Variants in HERC2 observed in about 807,000 individuals in gnomAD.
HERC2 encodes the protein HECT and RLD domain containing E3 ubiquitin protein ligase 2, also known as E3 ubiquitin-protein ligase HERC2.
A neutral mutation model predicts 537.7 loss-of-function variants in HERC2; 102 were observed. That is an observed-to-expected ratio of 0.19 (90% CI 0.16 to 0.22). HERC2 has a LOEUF of 0.22. HERC2 is among the 10% of genes least tolerant of loss of function. HERC2 has a pLI of 1.00. For missense variants in HERC2, 4,236 were observed against 6,198.2 expected, an observed-to-expected ratio of 0.68 and a Z score of 10.63; for synonymous variants, 2,224 against 2,466.2, an observed-to-expected ratio of 0.90 and a Z score of 2.91.
intron 4 of HERC2, among the ~76,000 whole-genome samples, chr15:28,290,634 A>C (rs1430024423): frequency 6.6e-6 from 1 of 152,238 alleles, no homozygotes; most frequent in East Asian, 1.9e-4. Flanking sequence ...TCTGACTACA[A>C]CTAATTTAGA....
In HERC2 at chr15:28,205,156, A is replaced by G. The variant is rs111425631; in HGVS notation, c.7212+1084T>C. 3.6e-4 allele frequency among the ~76,000 whole-genome samples: 55 copies of G among 152,140 alleles called. 1 individual carries two copies. Among genetic ancestry groups the G allele is most frequent in the African/African-American group, 1.2e-3 (50 of 41,392 alleles). On this transcript the variant is annotated intron_variant, in intron 45 of 92. Coordinates refer to ENST00000261609, the MANE Select transcript of HERC2 (RefSeq NM_004667.6). Reference sequence around the variant, plus strand: ...ATTTCATGAAAAAGAAGAGAACAACAACTCTCCATCAGAATCCATGGAGAC... The same window carrying G: ...ATTTCATGAAAAAGAAGAGAACAACGACTCTCCATCAGAATCCATGGAGAC...
rs138538227 is a variant in HERC2, at chr15:28,268,395, G to A, written c.1598+70C>T. On this transcript the variant is annotated intron_variant, in intron 12 of 92. Transcript: ENST00000261609. This position sits in a 1 kb window ranked among gnomAD's most constrained non-coding sequence, Gnocchi z 4.7. ...GGAAAACACCTGGACACACTTCTGC[G>A]CTCCATCCTGTTTAGGATATGGCAA... 1,467 of 1,448,088 alleles carry A rather than the reference G, an allele frequency of 1.0e-3. 20 individuals are homozygous for A. In the East Asian group the frequency reaches 0.024, roughly 23 times the overall value. The allele number at this position is 1,448,088 out of a possible 1,614,324, so 89.7% of individuals were successfully genotyped here. A position where few individuals can be genotyped will look rare whatever the true frequency, so the allele number is the denominator to read the frequency against.
intron 78 of HERC2, among the ~76,000 whole-genome samples, chr15:28,138,295 C>T (rs536133209): frequency 1.7e-4 from 26 of 152,298 alleles, no homozygotes; most frequent in South Asian, 8.3e-4. Context: ...GATGGAACAA[C>T]CGTCTATTGG....
intron 69 of HERC2, among the ~76,000 whole-genome samples, chr15:28,162,611 C>T (rs1046777387): frequency 6.6e-5 from 10 of 151,988 alleles, no homozygotes; most frequent in African/African-American, 2.4e-5. Flanking sequence ...GGTAAAGGGG[C>T]CAGGTTTGGT....
Position 28,261,147 on chromosome 15 carries a change from T to C in HERC2, c.2123-177A>G, listed in dbSNP as rs573587298. On this transcript the variant is annotated intron_variant, in intron 15 of 92. Transcript: ENST00000261609. The stretch of plus-strand genomic sequence containing the variant: ...TTTGGGTGTGTTATTAAAACTGCTG[T>C]ATTTTGTCAGCTACAATTCGTTAGG... Among the ~76,000 whole-genome samples the C allele has an allele frequency of 5.3e-5, 8 of 152,366 alleles. No homozygotes were observed. The South Asian group carries it at 1.4e-3, about 28-fold the overall frequency.
intron 83 of HERC2, among the ~76,000 whole-genome samples, chr15:28,126,925 A>G (rs1192232371): frequency 1.3e-5 from 2 of 152,272 alleles, no homozygotes; most frequent in African/African-American, 4.8e-5. Context: ...TATCCTAAAC[A>G]TAAGATTCAC....
rs563266790 is a variant in HERC2 at position 28,126,266 on chromosome 15, C to G, written c.12803-1073G>C. ...GCGATAAAAACTAACAACAAGCTATCTGTGAAAACGCGTTGTGATGGAAAG... is the reference window on the plus strand; with the variant it reads ...GCGATAAAAACTAACAACAAGCTATGTGTGAAAACGCGTTGTGATGGAAAG... On this transcript the variant is annotated intron_variant, in intron 83 of 92. Coordinates refer to ENST00000261609, the MANE Select transcript of HERC2 (RefSeq NM_004667.6). Among the ~76,000 whole-genome samples the G allele has an allele frequency of 1.6e-3, 247 of 152,310 alleles. 2 individuals are homozygous for G. Among genetic ancestry groups the G allele is most frequent in the Admixed American group, 5.4e-3 (82 of 15,300 alleles).
intron 26 of HERC2, among the ~76,000 whole-genome samples, chr15:28,236,119 C>G (rs1345011444): frequency 6.6e-6 from 1 of 151,950 alleles, no homozygotes; most frequent in East Asian, 1.9e-4. Context: ...CAGGCAGAGG[C>G]TGCAATACGT....
intron 9 of HERC2, among the ~76,000 whole-genome samples, chr15:28,271,465 G>A (rs890835095): frequency 3.3e-5 from 5 of 152,110 alleles, no homozygotes; most frequent in African/African-American, 9.7e-5. Context: ...TCGAGAGATC[G>A]AGACCATCCT....
chr15:28,226,567 A>C (rs1285234321), intron 35 of HERC2, among the ~76,000 whole-genome samples: 3 of 152,168 alleles, frequency 2.0e-5, no homozygotes, highest in African/African-American at 4.8e-5. Context: ...AACAGGTTGG[A>C]CTCTTACCTC....
intron 83 of HERC2, 103 bp downstream of exon 83, chr15:28,130,060 A>C (rs1889946129): frequency 4.2e-6 from 6 of 1,427,492 alleles, no homozygotes; most frequent in Non-Finnish European, 5.8e-6. Context: ...GGAGTGAGCC[A>C]CCACACCTGG....
intron 38 of HERC2, among the ~76,000 whole-genome samples, chr15:28,217,636 T>C (rs1245184912): frequency 6.6e-6 from 1 of 152,218 alleles, no homozygotes; most frequent in African/African-American, 2.4e-5. Context: ...CAACTTCACA[T>C]ACATTCGGAA....
At chr15:28,303,641 G>A (rs1195888646) in intron 2 of HERC2, among the ~76,000 whole-genome samples, 2 of 152,094 alleles carry the variant, frequency 1.3e-5, no homozygotes, top group African/African-American at 2.4e-5. Context: ...GCTTTGGGTA[G>A]TACAGACATT....
rs112547919 is a variant in HERC2, at chr15:28,238,817, G to A, written c.3578-45C>T. ...AATCAGTCCATTGATCAATCAACAG[G>A]TAAAATGAAAAGAACAAACTGTGTG... On this transcript the variant is annotated intron_variant, in intron 23 of 92. Coordinates refer to ENST00000261609, the MANE Select transcript of HERC2 (RefSeq NM_004667.6). 114 of 1,402,228 alleles carry A rather than the reference G, an allele frequency of 8.1e-5. 1 individual carries two copies. In the African/African-American group the frequency reaches 1.2e-3, roughly 14 times the overall value. The allele number at this position is 1,402,228 out of a possible 1,614,324, so 86.9% of individuals were successfully genotyped here.
intron 2 of HERC2, among the ~76,000 whole-genome samples, chr15:28,308,365 G>A (rs1205710541): frequency 1.3e-5 from 2 of 152,110 alleles, no homozygotes; most frequent in African/African-American, 4.8e-5. Flanking sequence ...GTTTACTGTT[G>A]GCACACAGAA....
At chr15:28,147,999 T>C (rs1183215815) in intron 70 of HERC2, among the ~76,000 whole-genome samples, 1 of 148,266 alleles carries the variant, frequency 6.7e-6, no homozygotes, top group Non-Finnish European at 1.5e-5. Context: ...ATCACACCAC[T>C]GCACTTCAGC....
chr15:28,172,055 CAG>C (rs915948948), intron 65 of HERC2, among the ~76,000 whole-genome samples: 94 of 143,986 alleles, frequency 6.5e-4, no homozygotes, highest in African/African-American at 2.4e-3. Context: ...AGCCTGGCGA[CAG>C]AGCGAGACTC....
chr15:28,132,606 A>G, intron 80 of HERC2, 47 bp downstream of exon 80: 1 of 1,360,954 alleles, frequency 7.3e-7, no homozygotes, highest in Non-Finnish European at 9.6e-7. Context: ...TGACAGCAGC[A>G]GTGAGGAGCA....
rs1293578475 is a variant in HERC2 at position 28,265,423 on chromosome 15, T to C, written c.1870+195A>G. 6.6e-6 allele frequency among the ~76,000 whole-genome samples: 1 copy of C among 152,150 alleles called. No individual in the cohort carries two copies. Among genetic ancestry groups the C allele is most frequent in the Non-Finnish European group, 1.5e-5 (1 of 68,028 alleles). ...CCCACACAGGAACGGCGGCAGCTGCTAACCAGCTGAGAGGCCTCAGGCAAA... is the reference window on the plus strand; with the variant it reads ...CCCACACAGGAACGGCGGCAGCTGCCAACCAGCTGAGAGGCCTCAGGCAAA... On this transcript the variant is annotated intron_variant, in intron 14 of 92. Coordinates refer to ENST00000261609, the MANE Select transcript of HERC2 (RefSeq NM_004667.6). This position sits in a 1 kb window ranked among gnomAD's most constrained non-coding sequence, Gnocchi z 4.0.
Sources: gnomAD v4.1 joint callset for allele counts (sites outside exome capture counted in the v4.1 genomes callset) on GRCh38, gnomAD v4.1.1 for gene constraint, Gnocchi (gnomAD v3.1) non-coding constraint, MANE v1.5 for transcripts, NCBI Gene and HGNC (gene_info 2026-07-23, HGNC 2026-07-21) for gene names.